The following CDC42BPA variants were observed in gnomAD, a reference collection of about 807,000 sequenced individuals.
CDC42BPA encodes CDC42 binding protein kinase alpha, also known as serine/threonine-protein kinase MRCK alpha.
A neutral mutation model predicts 223.5 loss-of-function variants in CDC42BPA; 80 were observed. The observed-to-expected ratio is 0.36, with a 90% confidence interval of 0.30 to 0.43. The LOEUF (loss-of-function observed/expected upper bound fraction) is 0.43. Ranked by LOEUF, CDC42BPA falls within the 20% of genes least tolerant of loss-of-function variation. The pLI, the probability that CDC42BPA is intolerant of heterozygous loss-of-function variation, is 1.00. For missense variants in CDC42BPA, 1,743 were observed against 2,099.9 expected, an observed-to-expected ratio of 0.83 and a Z score of 3.32; for synonymous variants, 694 against 718.6, an observed-to-expected ratio of 0.97 and a Z score of 0.55.
At chr1:226,999,502 G>A (rs2148287642) in intron 35 of CDC42BPA, among the ~76,000 whole-genome samples, 1 of 152,240 alleles carries the variant, frequency 6.6e-6, no homozygotes, top group South Asian at 2.1e-4. Context: ...CTGTTGGTGG[G>A]AGTATAAGTT....
Position 227,129,145 on chromosome 1 carries a change from T to G in CDC42BPA, c.1477A>C (p.Lys493Gln). Residue 493 changes from lysine to glutamine, a missense_variant, in exon 11 of 37, where the codon AAA becomes CAA. Physicochemically the swap from Lys to Gln is moderately conservative, Grantham distance 53 (BLOSUM62 1). Around this residue, in one of 6 missense-constraint regions of CDC42BPA, gnomAD observed 464 missense variants for 488.0 expected, o/e 0.95. Coordinates refer to ENST00000366766, the MANE Select transcript of CDC42BPA (RefSeq NM_001394014.1). ...TTTCTTAGTTTTTCAATTTCTTCTT[T>G]TAAGTTTTTTATTTCTAAATCTTTG... Reference protein sequence around the residue: ...ASKDLEIKNLKEEIEKLRKQV... With the variant: ...ASKDLEIKNLQEEIEKLRKQV... 6.6e-7 allele frequency: 1 copy of G among 1,517,272 alleles called. No homozygotes were observed. Among genetic ancestry groups the G allele is most frequent in the South Asian group, 1.1e-5 (1 of 87,304 alleles). The allele number at this position is 1,517,272 out of a possible 1,614,324, so 94.0% of individuals were successfully genotyped here. A position where few individuals can be genotyped will look rare whatever the true frequency, so the allele number is the denominator to read the frequency against.
At chr1:227,035,768 C>T (rs1670097894) in intron 24 of CDC42BPA, among the ~76,000 whole-genome samples, 161 bp from the exon 25 acceptor site, 1 of 151,882 alleles carries the variant, frequency 6.6e-6, no homozygotes, top group Non-Finnish European at 1.5e-5. Flanking sequence ...CATTTGCTTA[C>T]CAATGACAAT....
intron 32 of CDC42BPA, among the ~76,000 whole-genome samples, chr1:227,019,676 C>T (rs1366487857): frequency 7.1e-5 from 9 of 127,122 alleles, no homozygotes; most frequent in African/African-American, 1.4e-4. Context: ...TGTTAGCAGA[C>T]GTGAAAATAT....
At position 227,112,906 on chromosome 1, in the gene CDC42BPA, A is replaced by G. The variant is rs2149392323; in HGVS notation, c.1655T>C (p.Val552Ala). 2 of 1,613,126 alleles carry G rather than the reference A, an allele frequency of 1.2e-6. No individual in the cohort carries two copies. The highest frequency in any genetic ancestry group is 8.5e-7 in the Non-Finnish European group (1 of 1,179,726). ...QEREDLNKEL[V>A]QASERLKNQS... ...GTTTTTTAATCGCTCACTAGCCTGG[A>G]CTAGTTCCTACAGTTTTGTAAAAAG... is the stretch of plus-strand genomic sequence containing the variant. Residue 552 changes from valine to alanine, a missense_variant, in exon 13 of 37, where the codon GTC (valine) becomes GCC (alanine). Physicochemically the swap from Val to Ala is moderately conservative, Grantham distance 64 (BLOSUM62 0). Coordinates refer to ENST00000366766, the MANE Select transcript of CDC42BPA (RefSeq NM_001394014.1).
At chr1:227,294,955 A>G (rs1690409370) in intron 1 of CDC42BPA, among the ~76,000 whole-genome samples, 2 of 151,556 alleles carry the variant, frequency 1.3e-5, no homozygotes, top group Non-Finnish European at 2.9e-5. Flanking sequence ...GTATAAAAAT[A>G]CCAGAAATGT....
At chr1:227,053,416 G>A (rs1015802124) in intron 21 of CDC42BPA, among the ~76,000 whole-genome samples, 2 of 152,230 alleles carry the variant, frequency 1.3e-5, no homozygotes, top group African/African-American at 2.4e-5. Flanking sequence ...GGGAGAAGAA[G>A]GGTGAAGGCA....
chr1:227,300,589 G>C (rs1332172845), intron 1 of CDC42BPA, among the ~76,000 whole-genome samples: 4 of 152,050 alleles, frequency 2.6e-5, no homozygotes, highest in Non-Finnish European at 5.9e-5. Flanking sequence ...ACCAAATACC[G>C]TATGTTCTCA....
chr1:227,134,676 A>C (rs1340182445), intron 10 of CDC42BPA, among the ~76,000 whole-genome samples: 2 of 152,250 alleles, frequency 1.3e-5, no homozygotes, highest in Non-Finnish European at 2.9e-5. Flanking sequence ...AACAGCTAAT[A>C]AATGAATGAA....
At position 227,016,942 on chromosome 1, in the gene CDC42BPA, C is replaced by A; in HGVS notation, c.4724G>T (p.Arg1575Met). The change falls in exon 33 of 37, where the codon AGG (arginine) becomes ATG (methionine). Residue 1575 changes from arginine to methionine, a missense_variant. Transcript: ENST00000366766. The part of the protein sequence containing the change: ...RYSFRVPEEE[R>M]MQQRREMLRD... ...AAGTATCTACCTCCTCTGCTGCATC[C>A]TTTCCTCTTCTGGGACTCTGAAGGA... 6.2e-7 allele frequency: 1 copy of A among 1,612,808 alleles called. No individual in the cohort carries two copies. Among genetic ancestry groups the A allele is most frequent in the East Asian group, 2.2e-5 (1 of 44,842 alleles).
chr1:227,249,902 C>T (rs1378313489), intron 2 of CDC42BPA, among the ~76,000 whole-genome samples: 2 of 152,044 alleles, frequency 1.3e-5, no homozygotes, highest in East Asian at 3.9e-4. Flanking sequence ...AAGAGGGGGA[C>T]TGTAGTCAAT....
chr1:227,097,937 G>A (rs1684316311), intron 15 of CDC42BPA, among the ~76,000 whole-genome samples: 1 of 152,154 alleles, frequency 6.6e-6, no homozygotes, highest in Non-Finnish European at 1.5e-5. Context: ...TCATACACTT[G>A]AATCTCTCAA....
intron 1 of CDC42BPA, among the ~76,000 whole-genome samples, chr1:227,278,051 C>G (rs1431854994): frequency 2.0e-5 from 3 of 152,106 alleles, no homozygotes; most frequent in East Asian, 1.9e-4. Context: ...ACCCAGCCAC[C>G]CTTAGTAGTT....
intron 26 of CDC42BPA, 90 bp from the exon 27 acceptor site, chr1:227,033,505 T>G: frequency 1.3e-6 from 1 of 756,970 alleles, no homozygotes; most frequent in East Asian, 2.6e-5. Context: ...TACCCAAAGC[T>G]TAACTGCACC....
intron 1 of CDC42BPA, among the ~76,000 whole-genome samples, chr1:227,284,918 T>C (rs67400293): frequency 0.31 from 46,024 of 147,068 alleles, 7,246 homozygotes; most frequent in East Asian, 0.38. Context: ...CCCAAGGTTG[T>C]GCCACTGCAA....
At position 227,075,714 on chromosome 1, in the gene CDC42BPA, G is replaced by A. The variant is rs908881755; in HGVS notation, c.2481-1350C>T. ...GTGTAGAGAATAAATTGGGATGAAGGAAGATTATCTTTTTTAGAATACAAA... is the reference window on the plus strand; with the variant it reads ...GTGTAGAGAATAAATTGGGATGAAGAAAGATTATCTTTTTTAGAATACAAA... On this transcript the variant is annotated intron_variant, in intron 17 of 36. Transcript: ENST00000366766. Among the ~76,000 whole-genome samples the A allele has an allele frequency of 5.9e-5, 9 of 152,180 alleles. No homozygotes were observed. In the South Asian group the frequency reaches 6.3e-4, roughly 11 times the overall value.
intron 21 of CDC42BPA, among the ~76,000 whole-genome samples, chr1:227,065,983 G>A (rs925366597): frequency 6.6e-6 from 1 of 152,168 alleles, no homozygotes; most frequent in African/African-American, 2.4e-5. Context: ...AGAATGTCCA[G>A]AAGGATGTGT....
intron 2 of CDC42BPA, among the ~76,000 whole-genome samples, chr1:227,237,157 CCTT>C (rs1298462047): frequency 1.3e-5 from 2 of 151,612 alleles, no homozygotes; most frequent in South Asian, 2.1e-4. Flanking sequence ...GGGCAATGGT[CCTT>C]CTTCTTCTAT....
chr1:227,064,032 A>G (rs1286163363), intron 21 of CDC42BPA, among the ~76,000 whole-genome samples: 4 of 152,218 alleles, frequency 2.6e-5, no homozygotes, highest in Non-Finnish European at 5.9e-5. Flanking sequence ...CAATGTTGTC[A>G]GACTACTTGC....
chr1:227,232,815 C>T (rs553476002), intron 2 of CDC42BPA, among the ~76,000 whole-genome samples: 36 of 152,306 alleles, frequency 2.4e-4, no homozygotes, highest in South Asian at 8.3e-4. Flanking sequence ...AGGTGTCAGT[C>T]GGCCCCTACT....
Sources: allele counts gnomAD v4.1 joint callset (sites outside exome capture counted in the v4.1 genomes callset), GRCh38; gene constraint gnomAD v4.1.1; regional missense constraint gnomAD v4.1.1; transcripts MANE v1.5; gene names NCBI Gene and HGNC (gene_info 2026-07-23, HGNC 2026-07-21).